The following TRAM2 variants were observed in gnomAD, a reference collection of about 807,000 sequenced individuals.
The protein encoded by TRAM2 is translocating chain-associated membrane protein 2.
A neutral mutation model predicts 51.0 loss-of-function variants in TRAM2; 12 were observed. The ratio of observed to expected loss-of-function variants is 0.24; its 90% CI spans 0.15 to 0.38. The LOEUF is 0.38. Among genes scored for constraint, TRAM2 ranks in the 10% least tolerant of loss-of-function variants. The pLI is 1.00. For synonymous variants in TRAM2, 175 were observed against 179.4 expected, an observed-to-expected ratio of 0.98 and a Z score of 0.20; for missense variants, 361 against 462.0, an observed-to-expected ratio of 0.78 and a Z score of 2.00.
At chr6:52,557,984 A>G (rs1767438142) in intron 1 of TRAM2, among the ~76,000 whole-genome samples, 1 of 152,196 alleles carries the variant, frequency 6.6e-6, no homozygotes, top group Non-Finnish European at 1.5e-5. Context: ...GAAGGACAGT[A>G]TATTTAGCTT....
chr6:52,560,036 T>G (rs576947788), intron 1 of TRAM2, among the ~76,000 whole-genome samples: 2 of 151,370 alleles, frequency 1.3e-5, no homozygotes, highest in South Asian at 2.1e-4. Context: ...AGGTCAGGAG[T>G]TCCAGACCAG....
intron 1 of TRAM2, 21 bp from the exon 2 acceptor site, chr6:52,535,867 G>A (rs1048305896): frequency 1.2e-6 from 2 of 1,610,430 alleles, no homozygotes; most frequent in Non-Finnish European, 1.7e-6. Flanking sequence ...AAGGAAAAGA[G>A]TTCCAGTTTA....
intron 2 of TRAM2, among the ~76,000 whole-genome samples, chr6:52,526,803 C>T (rs557529977): frequency 2.6e-5 from 4 of 152,236 alleles, no homozygotes; most frequent in Non-Finnish European, 5.9e-5. Flanking sequence ...ACAGACTCCA[C>T]TGTACTTCAA....
chr6:52,531,989 T>G (rs1443936703), intron 2 of TRAM2, among the ~76,000 whole-genome samples: 1 of 152,206 alleles, frequency 6.6e-6, no homozygotes, highest in Non-Finnish European at 1.5e-5. Flanking sequence ...AATGAAGGCA[T>G]GACATGATCC....
intron 10 of TRAM2, among the ~76,000 whole-genome samples, 172 bp from the exon 11 acceptor site, chr6:52,503,442 G>A (rs561247514): frequency 1.3e-5 from 2 of 152,150 alleles, no homozygotes; most frequent in Non-Finnish European, 2.9e-5. Flanking sequence ...GCCAGCAGAC[G>A]GCTCCCAGGA....
At chr6:52,551,221 G>A (rs1767302882) in intron 1 of TRAM2, among the ~76,000 whole-genome samples, 2 of 152,132 alleles carry the variant, frequency 1.3e-5, no homozygotes, top group South Asian at 2.1e-4. Flanking sequence ...ATGAACACTC[G>A]ATCACATAGC....
chr6:52,561,561 C>T (rs1767501999), intron 1 of TRAM2, among the ~76,000 whole-genome samples: 1 of 151,200 alleles, frequency 6.6e-6, no homozygotes, highest in South Asian at 2.1e-4. Context: ...TCTGGGCTCA[C>T]TGCAAGCTCC....
chr6:52,503,869 T>TC (rs1415284034), intron 10 of TRAM2, among the ~76,000 whole-genome samples: 2 of 151,828 alleles, frequency 1.3e-5, no homozygotes, highest in East Asian at 1.9e-4. Context: ...GCCCCATACC[T>TC]CCCCCGCCAG....
At chr6:52,508,109 A>G in intron 6 of TRAM2, 125 bp downstream of exon 6, 1 of 857,930 alleles carries the variant, frequency 1.2e-6, no homozygotes, top group Non-Finnish European at 1.8e-6. Context: ...TCAATCCCCA[A>G]CATATTCCTA....
intron 4 of TRAM2, 77 bp downstream of exon 4, chr6:52,515,929 T>G: frequency 7.8e-7 from 1 of 1,280,610 alleles, no homozygotes; most frequent in Non-Finnish European, 1.1e-6. Flanking sequence ...TTTGCAGTCA[T>G]TTGATTAGCA....
intron 2 of TRAM2, chr6:52,522,895 G>T (rs1766702730): frequency 2.8e-6 from 2 of 702,344 alleles, no homozygotes; most frequent in South Asian, 3.0e-5. Context: ...TCACCTGCAA[G>T]CGGCTTCTCC....
chr6:52,573,881 T>G (rs556253811), intron 1 of TRAM2, among the ~76,000 whole-genome samples: 1 of 152,230 alleles, frequency 6.6e-6, no homozygotes, highest in Non-Finnish European at 1.5e-5. Flanking sequence ...CCCAGCCCAT[T>G]GGCAGAGGCA....
intron 1 of TRAM2, among the ~76,000 whole-genome samples, chr6:52,549,671 C>T (rs1032009900): frequency 6.6e-6 from 1 of 152,174 alleles, no homozygotes; most frequent in African/African-American, 2.4e-5. Flanking sequence ...CCAGAAACTC[C>T]TCTTGGTCCC....
intron 1 of TRAM2, among the ~76,000 whole-genome samples, chr6:52,569,874 A>G (rs1033991692): frequency 3.9e-5 from 6 of 152,138 alleles, no homozygotes; most frequent in Non-Finnish European, 7.4e-5. Context: ...ACTTCTACAC[A>G]AATATTGGCA....
At chr6:52,516,883 C>A in intron 2 of TRAM2, 146 bp from the exon 3 acceptor site, 1 of 647,248 alleles carries the variant, frequency 1.5e-6, no homozygotes. Flanking sequence ...GTTTCTGCCC[C>A]AGAATCCTGC....
At chr6:52,505,304 T>C (rs1766326583) in intron 9 of TRAM2, among the ~76,000 whole-genome samples, 1 of 152,118 alleles carries the variant, frequency 6.6e-6, no homozygotes. Context: ...AAGAGGAGAA[T>C]GATATCAACT....
rs1432595640 is a variant in TRAM2, at chr6:52,501,559, T to G, written c.*1638A>C. On this transcript the variant is annotated 3_prime_UTR_variant, in exon 11 of 11. Transcript: ENST00000182527. ...GGAGGTTCTTAATTGGGACTTTTGT[T>G]TTTTTAGACAGAATTTCGCTCTTGT... 6.6e-6 allele frequency: 1 copy of G among 152,232 alleles called. No individual in the cohort carries two copies. The highest frequency in any genetic ancestry group is 1.5e-5 in the Non-Finnish European group (1 of 68,066). 9.4% of individuals were successfully genotyped at this position (152,232 alleles called of 1,614,324 possible).
intron 1 of TRAM2, among the ~76,000 whole-genome samples, chr6:52,550,059 T>C (rs1194991678): frequency 1.3e-5 from 2 of 152,162 alleles, no homozygotes; most frequent in African/African-American, 2.4e-5. Flanking sequence ...CATCCTACCC[T>C]GTGTCCCAGA....
rs573426269 is a variant in TRAM2, at chr6:52,513,370, A to G, written c.411+2636T>C. On this transcript the variant is annotated intron_variant, in intron 4 of 10. Transcript: ENST00000182527. ...GTTTATTCACTCATTCTCATAGCCA[A>G]CATTTAGTGGGCACTTAGTATGTGC... Among the ~76,000 whole-genome samples the G allele has an allele frequency of 2.6e-5, 4 of 152,370 alleles. No individual in the cohort carries two copies. In the South Asian group the frequency reaches 6.2e-4, roughly 24 times the overall value.
Sources: gnomAD v4.1 joint callset for allele counts (sites outside exome capture counted in the v4.1 genomes callset) on GRCh38, gnomAD v4.1.1 for gene constraint, MANE v1.5 for transcripts, NCBI Gene and HGNC (gene_info 2026-07-23, HGNC 2026-07-21) for gene names.